Variants in ATF7 observed in about 807,000 individuals in gnomAD.
The protein encoded by ATF7 is activating transcription factor 7.
In ATF7, 10 loss-of-function variants were observed where a neutral mutation model predicts 50.4. The ratio of observed to expected loss-of-function variants is 0.20; its 90% confidence interval spans 0.12 to 0.34. The LOEUF (loss-of-function observed/expected upper bound fraction) is 0.34, where lower values mean the gene tolerates loss of function less well. Among genes scored for constraint, ATF7 ranks in the 10% least tolerant of loss-of-function variants. ATF7 has a pLI of 1.00. For missense variants in ATF7, 465 were observed against 613.9 expected (o/e 0.76, Z 2.56); for synonymous variants, 201 against 226.4 (o/e 0.89, Z 1.01).
In ATF7 at chr12:53,535,681, T is replaced by G. The variant is rs1939178671; in HGVS notation, c.403-1022A>C. ...TAAAAATAGTACTTCATGAAAGTACTTCCTTTAAAAAGAATAATCATCAGA... is the reference window on the plus strand; with the variant it reads ...TAAAAATAGTACTTCATGAAAGTACGTCCTTTAAAAAGAATAATCATCAGA... On this transcript the variant is annotated intron_variant, in intron 5 of 11. Transcript: ENST00000420353. 2.0e-5 allele frequency among the ~76,000 whole-genome samples: 3 copies of G among 152,194 alleles called. No homozygotes were observed. In the South Asian group the frequency reaches 6.2e-4, roughly 31 times the overall value.
At chr12:53,565,504 G>A (rs1037952622) in intron 2 of ATF7, among the ~76,000 whole-genome samples, 5 of 136,930 alleles carry the variant, frequency 3.7e-5, no homozygotes, top group African/African-American at 1.3e-4. Flanking sequence ...GGGGGGGAGG[G>A]GGGCAGGGGG....
rs1448235783 is a variant in ATF7 at position 53,532,589 on chromosome 12, G to T, written c.695C>A (p.Pro232His). The T allele has an allele frequency of 1.2e-6, 2 of 1,608,980 alleles. No homozygotes were observed. The highest frequency in any genetic ancestry group is 2.2e-5 in the East Asian group (1 of 44,768). The change falls in exon 8 of 12, where the codon CCT becomes CAT. Residue 232 changes from proline to histidine, a missense_variant. By Grantham distance (77) the Pro-to-His change is moderately conservative. Coordinates refer to ENST00000420353, the MANE Select transcript of ATF7 (RefSeq NM_006856.3). ...GTTAACTGGTGGGCCAGGGATACCA[G>T]GAATGTTGGGCACCATGGACACAGG... ...ARPVSMVPNI[P>H]GIPGPPVNSS... is the part of the protein sequence containing the mutation.
At chr12:53,608,702 T>TA (rs897390931) in intron 1 of ATF7, among the ~76,000 whole-genome samples, 2 of 152,088 alleles carry the variant, frequency 1.3e-5, no homozygotes, top group Non-Finnish European at 2.9e-5. Context: ...TTTATGATAA[T>TA]AAAAAAATTA....
chr12:53,610,507 G>C (rs1008695309), intron 1 of ATF7, among the ~76,000 whole-genome samples: 2 of 150,138 alleles, frequency 1.3e-5, no homozygotes, highest in African/African-American at 4.9e-5. Flanking sequence ...GGAGGTTGCA[G>C]TGAGCTGAGA....
rs60934602 is a variant in ATF7 at position 53,550,338 on chromosome 12, AT to A, written c.145+2202del. On this transcript the variant is annotated intron_variant, in intron 3 of 11. Coordinates refer to ENST00000420353, the MANE Select transcript of ATF7 (RefSeq NM_006856.3). Reference sequence around the variant, plus strand: ...GACCCTGTCTCAAAAAAAAAAATAAATAAATAAATAAATAAATAAATAAATA... The same window carrying A: ...GACCCTGTCTCAAAAAAAAAAATAAAAAATAAATAAATAAATAAATAAATA... Among the ~76,000 whole-genome samples the A allele has an allele frequency of 2.3e-3, 309 of 135,760 alleles. 2 individuals are homozygous for A. The highest frequency in any genetic ancestry group is 7.5e-3 in the Middle Eastern group (2 of 266). 89.1% of individuals were successfully genotyped at this position (135,760 alleles called of 152,430 possible).
At chr12:53,602,489 A>G (rs1291915267) in intron 1 of ATF7, among the ~76,000 whole-genome samples, 1 of 152,200 alleles carries the variant, frequency 6.6e-6, no homozygotes, top group African/African-American at 2.4e-5. Flanking sequence ...TAATTCCACA[A>G]CTAATCGGTG....
intron 2 of ATF7, among the ~76,000 whole-genome samples, chr12:53,582,802 G>A (rs1327576549): frequency 6.6e-6 from 1 of 152,068 alleles, no homozygotes; most frequent in Admixed American, 6.5e-5. Flanking sequence ...GGCCAGGATG[G>A]TCTCATCTCC....
chr12:53,567,975 T>C (rs1418894681), intron 2 of ATF7, among the ~76,000 whole-genome samples: 2 of 152,234 alleles, frequency 1.3e-5, no homozygotes, highest in Non-Finnish European at 2.9e-5. Context: ...AATACTTTTA[T>C]CTTCTAATTT....
At chr12:53,545,004 ATGC>A (rs1265775949) in intron 3 of ATF7, among the ~76,000 whole-genome samples, 1 of 152,150 alleles carries the variant, frequency 6.6e-6, no homozygotes, top group Non-Finnish European at 1.5e-5. Flanking sequence ...ATCATCCTTT[ATGC>A]TTAGAGAGTA....
intron 2 of ATF7, among the ~76,000 whole-genome samples, chr12:53,579,080 T>TA (rs1447484052): frequency 6.6e-6 from 1 of 151,024 alleles, no homozygotes; most frequent in African/African-American, 2.4e-5. Context: ...CTGTCTCTAC[T>TA]AAAAAAATAC....
At chr12:53,602,981 C>T (rs1943462982) in intron 1 of ATF7, among the ~76,000 whole-genome samples, 1 of 152,204 alleles carries the variant, frequency 6.6e-6, no homozygotes, top group Non-Finnish European at 1.5e-5. Context: ...GAAAATTTCA[C>T]TACATGTCCC....
intron 1 of ATF7, among the ~76,000 whole-genome samples, chr12:53,608,936 C>T (rs917730478): frequency 2.0e-5 from 3 of 152,078 alleles, no homozygotes; most frequent in African/African-American, 7.2e-5. Context: ...GACTATAATG[C>T]AGGTTATGGG....
In ATF7 at chr12:53,560,218, G is replaced by A. The variant is rs377359401; in HGVS notation, c.49-7581C>T. ...ATTACAGGCATGAGCCACCGCACCC[G>A]GCCTCCTCTTTACTTTTTTAAATTT... On this transcript the variant is annotated intron_variant, in intron 2 of 11. Coordinates refer to ENST00000420353, the MANE Select transcript of ATF7 (RefSeq NM_006856.3). Among the ~76,000 whole-genome samples the A allele has an allele frequency of 7.9e-5, 12 of 151,786 alleles. No homozygotes were observed. In the East Asian group the frequency reaches 1.2e-3, roughly 15 times the overall value.
At chr12:53,558,591 T>C (rs1241877627) in intron 2 of ATF7, among the ~76,000 whole-genome samples, 1 of 152,178 alleles carries the variant, frequency 6.6e-6, no homozygotes. Flanking sequence ...AGGCACTGTA[T>C]TTGGGAGAAC....
intron 11 of ATF7, among the ~76,000 whole-genome samples, chr12:53,520,622 T>C (rs575719129): frequency 9.2e-5 from 14 of 152,214 alleles, no homozygotes; most frequent in Admixed American, 8.5e-4. Flanking sequence ...CAAATCCATA[T>C]AACCAACTGA....
chr12:53,610,596 G>C (rs1334004851), intron 1 of ATF7, among the ~76,000 whole-genome samples: 1 of 150,740 alleles, frequency 6.6e-6, no homozygotes, highest in Non-Finnish European at 1.5e-5. Context: ...TACAAGAATG[G>C]ACACCACATC....
intron 2 of ATF7, among the ~76,000 whole-genome samples, chr12:53,581,745 T>G (rs1329823305): frequency 6.6e-6 from 1 of 151,610 alleles, no homozygotes; most frequent in Non-Finnish European, 1.5e-5. Flanking sequence ...AGATCTAAAA[T>G]CAATAATCTA....
chr12:53,620,266 C>A (rs1944319934), intron 1 of ATF7, among the ~76,000 whole-genome samples: 1 of 151,400 alleles, frequency 6.6e-6, no homozygotes, highest in Non-Finnish European at 1.5e-5. Flanking sequence ...TGATGAAAAC[C>A]CATATCTACT....
At chr12:53,618,097 T>C (rs1176773811) in intron 1 of ATF7, among the ~76,000 whole-genome samples, 3 of 152,234 alleles carry the variant, frequency 2.0e-5, no homozygotes, top group South Asian at 2.1e-4. Context: ...ATTTTTGTTT[T>C]GTTTTTAGCT....
Sources: gnomAD v4.1 joint callset for allele counts (sites outside exome capture counted in the v4.1 genomes callset) on GRCh38, gnomAD v4.1.1 for gene constraint, MANE v1.5 for transcripts, NCBI Gene and HGNC (gene_info 2026-07-23, HGNC 2026-07-21) for gene names.